Variants in GABRR1 observed in about 807,000 individuals in gnomAD.
GABRR1 encodes the protein gamma-aminobutyric acid type A receptor subunit rho1.
A neutral mutation model predicts 55.5 loss-of-function variants in GABRR1; 59 were observed. The observed-to-expected ratio is 1.06, with a 90% CI of 0.86 to 1.32. The LOEUF is 1.32. GABRR1 is among the 40% of genes most tolerant of loss of function. GABRR1 has a pLI of 0.00. For missense variants in GABRR1, 602 were observed against 619.1 expected (o/e 0.97, Z 0.29); for synonymous variants, 213 against 226.0 (o/e 0.94, Z 0.51).
At chr6:89,179,778 G>C (rs975114491) in intron 9 of GABRR1, among the ~76,000 whole-genome samples, 5 of 152,192 alleles carry the variant, frequency 3.3e-5, no homozygotes, top group African/African-American at 1.2e-4. Context: ...GAGTTTGCTG[G>C]GGGAGATAAC....
chr6:89,185,924 A>C (rs1771888304), intron 6 of GABRR1, among the ~76,000 whole-genome samples: 1 of 152,188 alleles, frequency 6.6e-6, no homozygotes, highest in African/African-American at 2.4e-5. Context: ...TTTAGCAAGA[A>C]AAGATCCATA....
At position 89,179,582 on chromosome 6, in the gene GABRR1, T is replaced by C. The variant is rs146187416; in HGVS notation, c.1147-519A>G. Among the ~76,000 whole-genome samples, 349 of 152,322 alleles carry C rather than the reference T, an allele frequency of 2.3e-3. 1 individual carries two copies. Among genetic ancestry groups the C allele is most frequent in the African/African-American group, 7.3e-3 (304 of 41,580 alleles). ...ACTCTTAGAAAATATCACAGTGCCA[T>C]ACCAAAGACCAACAAGAATGCTCAT... On this transcript the variant is annotated intron_variant, in intron 9 of 9. Coordinates refer to ENST00000454853, the MANE Select transcript of GABRR1 (RefSeq NM_002042.5).
intron 1 of GABRR1, among the ~76,000 whole-genome samples, chr6:89,206,375 A>C (rs574656894): frequency 6.6e-6 from 1 of 152,086 alleles, no homozygotes; most frequent in Admixed American, 6.5e-5. Context: ...TGTCAATTAC[A>C]TCTCTGTGCT....
intron 1 of GABRR1, among the ~76,000 whole-genome samples, chr6:89,231,030 G>A (rs1156784473): frequency 1.3e-5 from 2 of 151,990 alleles, no homozygotes; most frequent in Non-Finnish European, 2.9e-5. Context: ...GATTTTCCAG[G>A]TGCGTCCATC....
intron 1 of GABRR1, among the ~76,000 whole-genome samples, chr6:89,208,100 AT>A (rs1772708231): frequency 6.6e-6 from 1 of 152,240 alleles, no homozygotes; most frequent in South Asian, 2.1e-4. Context: ...GCTGAAGGCG[AT>A]GCTACAAGGG....
chr6:89,205,138 G>A (rs891835386), intron 1 of GABRR1, among the ~76,000 whole-genome samples: 9 of 152,084 alleles, frequency 5.9e-5, no homozygotes, highest in African/African-American at 1.7e-4. Flanking sequence ...AGTAGGCCTC[G>A]TCATTATCCC....
intron 4 of GABRR1, 101 bp downstream of exon 4, chr6:89,199,261 G>A: frequency 9.7e-7 from 1 of 1,028,902 alleles, no homozygotes; most frequent in South Asian, 1.3e-5. Flanking sequence ...CCACCGCCCA[G>A]GGCAGTTGTG....
chr6:89,188,829 T>C (rs1291891138), intron 6 of GABRR1, among the ~76,000 whole-genome samples: 2 of 152,148 alleles, frequency 1.3e-5, no homozygotes, highest in African/African-American at 4.8e-5. Context: ...GCGCCTGGTT[T>C]TCAGTTTTTC....
chr6:89,216,553 G>T (rs1427596825), intron 1 of GABRR1, among the ~76,000 whole-genome samples: 1 of 152,132 alleles, frequency 6.6e-6, no homozygotes, highest in Non-Finnish European at 1.5e-5. Context: ...GTGAGGCCGA[G>T]TGCTAAGGGG....
chr6:89,202,518 C>T (rs557464955), intron 2 of GABRR1, among the ~76,000 whole-genome samples: 39 of 152,058 alleles, frequency 2.6e-4, no homozygotes, highest in African/African-American at 9.4e-4. Flanking sequence ...GTCTCAAACT[C>T]CTGGCCTCAA....
At chr6:89,222,938 C>T (rs150562296) in intron 1 of GABRR1, among the ~76,000 whole-genome samples, 82 of 152,264 alleles carry the variant, frequency 5.4e-4, no homozygotes, top group South Asian at 2.3e-3. Context: ...TAAACTATGA[C>T]GTTTTGATAG....
chr6:89,209,424 G>T (rs556134812), intron 1 of GABRR1, among the ~76,000 whole-genome samples: 63 of 152,190 alleles, frequency 4.1e-4, no homozygotes, highest in African/African-American at 1.5e-3. Flanking sequence ...AATGCCTTTT[G>T]AGTGAAATCC....
At chr6:89,201,321 A>G in intron 2 of GABRR1, 56 bp from the exon 3 acceptor site, 3 of 1,189,100 alleles carry the variant, frequency 2.5e-6, no homozygotes, top group East Asian at 4.7e-5. Flanking sequence ...ACAAATAAAC[A>G]GTAACTTGCA....
intron 7 of GABRR1, among the ~76,000 whole-genome samples, chr6:89,185,010 AGATAGCTGG>A (rs1051748178): frequency 6.7e-6 from 1 of 149,994 alleles, no homozygotes; most frequent in Non-Finnish European, 1.5e-5. Flanking sequence ...TCAGCCTTCC[AGATAGCTGG>A]GACTACAGGC....
intron 6 of GABRR1, 48 bp downstream of exon 6, chr6:89,190,117 A>G: frequency 7.6e-7 from 1 of 1,324,086 alleles, no homozygotes; most frequent in South Asian, 1.3e-5. Flanking sequence ...AGAGGTGTTG[A>G]GAATTATCAG....
At chr6:89,198,271 C>A in intron 4 of GABRR1, 28 bp from the exon 5 acceptor site, 1 of 1,496,138 alleles carries the variant, frequency 6.7e-7, no homozygotes, top group Non-Finnish European at 9.3e-7. Flanking sequence ...GAGAGGGAAC[C>A]CCAGACACAC....
Position 89,178,834 on chromosome 6 carries a change from G to A in GABRR1, c.1376C>T (p.Ser459Phe). 3 of 1,614,160 alleles carry A rather than the reference G, an allele frequency of 1.9e-6. No homozygotes were observed. The East Asian group carries it at 6.7e-5, about 36-fold the overall frequency. The change falls in exon 10 of 10, where the codon TCC (serine) becomes TTC (phenylalanine). Residue 459 changes from serine to phenylalanine, a missense_variant. Ser to Phe is a radical substitution (Grantham distance 155). Around this residue, in one of 3 missense-constraint regions of GABRR1, gnomAD observed 139 missense variants for 141.1 expected, o/e 0.99. Coordinates refer to ENST00000454853, the MANE Select transcript of GABRR1 (RefSeq NM_002042.5). ...RIDTHAIDKY[S>F]RIIFPAAYIL... The stretch of plus-strand genomic sequence containing the variant: ...GTATGCTGCTGGAAAGATGATCCTG[G>A]AGTATTTATCAATGGCGTGGGTGTC...
intron 1 of GABRR1, among the ~76,000 whole-genome samples, chr6:89,204,986 G>A (rs77536432): frequency 5.3e-4 from 80 of 152,204 alleles, no homozygotes; most frequent in African/African-American, 1.9e-3. Flanking sequence ...TGAGGGTATG[G>A]TTATTAATCT....
intron 5 of GABRR1, among the ~76,000 whole-genome samples, chr6:89,197,324 A>C (rs1177466135): frequency 1.3e-5 from 2 of 152,230 alleles, no homozygotes; most frequent in African/African-American, 2.4e-5. Flanking sequence ...GGAGCAGACC[A>C]CAGCAAGTGA....
Sources: allele counts gnomAD v4.1 joint callset (sites outside exome capture counted in the v4.1 genomes callset), GRCh38; gene constraint gnomAD v4.1.1; regional missense constraint gnomAD v4.1.1; transcripts MANE v1.5; gene names NCBI Gene and HGNC (gene_info 2026-07-23, HGNC 2026-07-21).